The following LPA variants were observed in gnomAD, a reference collection of about 807,000 sequenced individuals.
LPA encodes the protein apolipoprotein(a).
In LPA, 199 loss-of-function variants were observed where a neutral mutation model predicts 197.9. The observed-to-expected ratio is 1.01, with a 90% confidence interval of 0.90 to 1.13. LPA has a LOEUF of 1.13. LPA is among the 50% of genes most tolerant of loss of function. The pLI is 0.00. For missense variants in LPA, 1,853 were observed against 1,785.8 expected (o/e 1.04, Z -0.68); for synonymous variants, 715 against 639.5 (o/e 1.12, Z -1.78).
chr6:160,572,537 T>C (rs1466776852), intron 28 of LPA, among the ~76,000 whole-genome samples: 1 of 152,234 alleles, frequency 6.6e-6, no homozygotes, highest in African/African-American at 2.4e-5. Context: ...TCTGTTTTCA[T>C]GTGTTTCTAG....
intron 18 of LPA, among the ~76,000 whole-genome samples, chr6:160,603,794 G>A (rs1302213433): frequency 6.6e-6 from 1 of 152,198 alleles, no homozygotes; most frequent in Non-Finnish European, 1.5e-5. Flanking sequence ...TTTAATGCTT[G>A]GAGACTTGCT....
chr6:160,581,905 C>T (rs530637859), intron 26 of LPA, among the ~76,000 whole-genome samples: 84 of 152,112 alleles, frequency 5.5e-4, no homozygotes, highest in African/African-American at 1.9e-3. Context: ...TGGTATAGTT[C>T]TTTTGCATAT....
rs1345149833 is a variant in LPA at position 160,532,485 on chromosome 6, CTG to C, written c.5961+44_5961+45del. 3 of 1,453,502 alleles carry C rather than the reference CTG, an allele frequency of 2.1e-6. No individual in the cohort carries two copies. The South Asian group carries it at 3.4e-5, about 17-fold the overall frequency. The allele number at this position is 1,453,502 out of a possible 1,614,324, so 90.0% of individuals were successfully genotyped here. ...GGGACTGACGTCTAAGGGACTGAGACTGAGACGGGAGAGCACAAGACTTTGAT... is the reference window on the plus strand; with the variant it reads ...GGGACTGACGTCTAAGGGACTGAGACAGACGGGAGAGCACAAGACTTTGAT... On this transcript the variant is annotated intron_variant, in intron 38 of 38. Transcript: ENST00000316300.
chr6:160,601,230 A>G, intron 18 of LPA, 132 bp from the exon 19 acceptor site: 2 of 757,862 alleles, frequency 2.6e-6, no homozygotes, highest in African/African-American at 1.7e-5. Context: ...AATTGCCACA[A>G]TGACAAATGG....
In LPA at chr6:160,566,866, T is replaced by C. The variant is rs572234349; in HGVS notation, c.4632-9295A>G. Among the ~76,000 whole-genome samples the C allele has an allele frequency of 1.4e-4, 22 of 152,126 alleles. 1 individual carries two copies. In the South Asian group the frequency reaches 4.2e-3, roughly 29 times the overall value. On this transcript the variant is annotated intron_variant, in intron 28 of 38. Coordinates refer to ENST00000316300, the MANE Select transcript of LPA (RefSeq NM_005577.4). ...ATCCTAGTCTCTGATAAAACAGACT[T>C]TAAACTAACAAAGATCAAAAGAGAC... is the stretch of plus-strand genomic sequence containing the variant.
intron 28 of LPA, among the ~76,000 whole-genome samples, chr6:160,568,645 G>A (rs1778506616): frequency 6.6e-6 from 1 of 152,156 alleles, no homozygotes; most frequent in South Asian, 2.1e-4. Context: ...AGGGCAATTA[G>A]GCAGGAGAAG....
At chr6:160,552,972 C>G (rs1370735434) in intron 30 of LPA, among the ~76,000 whole-genome samples, 1 of 152,032 alleles carries the variant, frequency 6.6e-6, no homozygotes, top group Non-Finnish European at 1.5e-5. Context: ...ATCCATTCCT[C>G]TCAGTTTAAA....
At chr6:160,541,313 A>G in intron 34 of LPA, 132 bp from the exon 35 acceptor site, 3 of 732,112 alleles carry the variant, frequency 4.1e-6, no homozygotes, top group Non-Finnish European at 7.3e-6. Context: ...ACTACCGCCC[A>G]ACGTCAGGAT....
chr6:160,650,348 A>T lies in LPA; in HGVS notation c.199T>A (p.Tyr67Asn). Reference protein sequence around the residue: ...PHQHNRTTENYPNAGLIMNYC... With the variant: ...PHQHNRTTENNPNAGLIMNYC... Reference sequence around the variant, plus strand: ...AGATTAATGACATACGCATTTGGGTAGTTTTCTGTGGTCCTATTATGTTGA... The same window carrying T: ...AGATTAATGACATACGCATTTGGGTTGTTTTCTGTGGTCCTATTATGTTGA... Residue 67 changes from tyrosine to asparagine, a missense_variant, in exon 2 of 39, where the codon TAC becomes AAC. Physicochemically the swap from Tyr to Asn is moderately radical, Grantham distance 143. Transcript: ENST00000316300. 1 of 1,613,602 alleles carries T rather than the reference A, an allele frequency of 6.2e-7. No individual in the cohort carries two copies. The highest frequency in any genetic ancestry group is 8.5e-7 in the Non-Finnish European group (1 of 1,179,702).
intron 26 of LPA, among the ~76,000 whole-genome samples, chr6:160,583,925 GCAAA>G (rs1778846864): frequency 6.6e-6 from 1 of 152,108 alleles, no homozygotes; most frequent in Non-Finnish European, 1.5e-5. Context: ...TTCAACATGT[GCAAA>G]CAGTTTTTCC....
At chr6:160,576,391 TATATATATATATATATATATATATGG>T (rs1778671641) in intron 28 of LPA, among the ~76,000 whole-genome samples, 5 of 35,462 alleles carry the variant, frequency 1.4e-4, no homozygotes, top group African/African-American at 7.9e-4. Flanking sequence ...TATATATATG[TATATATATATATATATATATATATGG>T]GTATATATAT....
intron 32 of LPA, 61 bp downstream of exon 32, chr6:160,547,728 C>G: frequency 6.2e-7 from 1 of 1,611,318 alleles, no homozygotes; most frequent in Non-Finnish European, 8.5e-7. Context: ...TCCTCTGCCC[C>G]TCTTCTGTTT....
intron 37 of LPA, among the ~76,000 whole-genome samples, chr6:160,534,147 G>A (rs1777848639): frequency 6.6e-6 from 1 of 152,166 alleles, no homozygotes; most frequent in South Asian, 2.1e-4. Context: ...AGTCTCTTCC[G>A]CAGAGCTGCA....
rs1259662620 is a variant in LPA, at chr6:160,589,795, A to G, written c.3788-83T>C. 3.3e-6 allele frequency: 5 copies of G among 1,501,550 alleles called. No homozygotes were observed. The East Asian group carries it at 1.1e-4, about 34-fold the overall frequency. 93.0% of individuals were successfully genotyped at this position (1,501,550 alleles called of 1,614,324 possible). ...AAAAAAAATCCATGATAGAAACAGG[A>G]CATCATCTCTGAAAATGACGACCAT... is the stretch of plus-strand genomic sequence containing the variant. On this transcript the variant is annotated intron_variant, in intron 23 of 38. Transcript: ENST00000316300.
chr6:160,570,934 A>C (rs1437636879), intron 28 of LPA, among the ~76,000 whole-genome samples: 1 of 152,136 alleles, frequency 6.6e-6, no homozygotes, highest in Non-Finnish European at 1.5e-5. Flanking sequence ...TAGGTTGGGG[A>C]AGTTCTCCTG....
intron 21 of LPA, 70 bp from the exon 22 acceptor site, chr6:160,594,187 A>G (rs1464003353): frequency 6.4e-7 from 1 of 1,573,968 alleles, no homozygotes; most frequent in Non-Finnish European, 8.7e-7. Flanking sequence ...GAAATCTGTG[A>G]CTGAAACAGG....
intron 20 of LPA, among the ~76,000 whole-genome samples, chr6:160,596,342 G>T (rs1187488973): frequency 2.0e-5 from 3 of 150,504 alleles, no homozygotes; most frequent in Non-Finnish European, 4.4e-5. Flanking sequence ...TTCACTGAAT[G>T]TCACTGGTTT....
chr6:160,537,469 A>G (rs908967543), intron 37 of LPA, among the ~76,000 whole-genome samples: 8 of 152,220 alleles, frequency 5.3e-5, no homozygotes, highest in Admixed American at 5.2e-4. Flanking sequence ...CACATGAAAA[A>G]TAATCTAACA....
chr6:160,589,799 CATCTCTGA>C (rs1318406520), intron 23 of LPA, 87 bp from the exon 24 acceptor site: 1 of 1,487,768 alleles, frequency 6.7e-7, no homozygotes, highest in Non-Finnish European at 9.4e-7. Flanking sequence ...AACAGGACAT[CATCTCTGA>C]AAATGACGAC....
Sources: allele counts gnomAD v4.1 joint callset (sites outside exome capture counted in the v4.1 genomes callset), GRCh38; gene constraint gnomAD v4.1.1; transcripts MANE v1.5; gene names NCBI Gene and HGNC (gene_info 2026-07-23, HGNC 2026-07-21).